Variants in U2SURP observed in about 807,000 individuals in gnomAD.
U2SURP encodes U2 snRNP-associated SURP motif-containing protein.
Under a neutral mutation model 144.9 loss-of-function variants are expected in U2SURP, and 9 were observed. The observed-to-expected ratio is 0.06, with a 90% CI of 0.04 to 0.11. The LOEUF is 0.11. U2SURP is among the 10% of genes least tolerant of loss of function. The probability of loss-of-function intolerance (pLI) is 1.00; values close to 1 mark genes in which losing one functional copy is unlikely to be tolerated. For synonymous variants in U2SURP, 408 were observed against 396.8 expected (o/e 1.03, Z -0.33); for missense variants, 724 against 1,226.7 (o/e 0.59, Z 6.12).
intron 1 of U2SURP, among the ~76,000 whole-genome samples, chr3:143,009,523 G>A (rs1229875491): frequency 3.3e-5 from 5 of 151,972 alleles, no homozygotes; most frequent in Non-Finnish European, 7.4e-5. Flanking sequence ...ACTGGAACCC[G>A]GGAGGCGGAG....
At chr3:143,054,542 A>G (rs750229172) in intron 26 of U2SURP, among the ~76,000 whole-genome samples, 2 of 152,222 alleles carry the variant, frequency 1.3e-5, no homozygotes, top group Non-Finnish European at 2.9e-5. Flanking sequence ...CCCAAATGTT[A>G]AAGTATTTCT....
chr3:143,045,612 C>T (rs1055120146), intron 24 of U2SURP, among the ~76,000 whole-genome samples: 7 of 152,168 alleles, frequency 4.6e-5, no homozygotes, highest in Non-Finnish European at 7.3e-5. Flanking sequence ...ACCTTGTATA[C>T]GTATATATGC....
At chr3:143,051,602 C>CAA (rs3041537) in intron 25 of U2SURP, among the ~76,000 whole-genome samples, 46,679 of 89,936 alleles carry the variant, frequency 0.52, 12,100 homozygotes, top group East Asian at 0.64. Flanking sequence ...ACTGTCGTTG[C>CAA]AAAAAAAAAA....
At chr3:143,054,641 C>G (rs369528466) in intron 26 of U2SURP, among the ~76,000 whole-genome samples, 7 of 152,162 alleles carry the variant, frequency 4.6e-5, no homozygotes, top group African/African-American at 1.7e-4. Flanking sequence ...TAACCACATT[C>G]AACATTTTAA....
chr3:143,010,294 G>A (rs1578113443), intron 1 of U2SURP, among the ~76,000 whole-genome samples: 1 of 152,194 alleles, frequency 6.6e-6, no homozygotes, highest in African/African-American at 2.4e-5. Flanking sequence ...CCCTTAAAAC[G>A]AGTTGTAAAT....
In U2SURP at chr3:143,015,047, G is replaced by A. The variant is rs76672310; in HGVS notation, c.321+638G>A. The stretch of plus-strand genomic sequence containing the variant: ...GCATAAATGTAGTTTTTCTATATTT[G>A]TCATTGTCAAATTGCTCTCTGTAGG... On this transcript the variant is annotated intron_variant, in intron 4 of 27. Coordinates refer to ENST00000473835, the MANE Select transcript of U2SURP (RefSeq NM_001080415.2). Among the ~76,000 whole-genome samples the A allele has an allele frequency of 3.0e-4, 45 of 152,102 alleles. No individual in the cohort carries two copies. In the East Asian group the frequency reaches 6.2e-3, roughly 21 times the overall value.
intron 1 of U2SURP, among the ~76,000 whole-genome samples, chr3:143,003,677 C>CTTTTTTTTTTTATTTTTTTTTTTTTTT (rs1935658627): frequency 9.9e-6 from 1 of 101,506 alleles, no homozygotes; most frequent in African/African-American, 3.5e-5. Context: ...TATTTTATTT[C>CTTTTTTTTTTTATTTTTTTTTTTTTTT]TTTTTTTTTT....
chr3:143,056,659 T>G lies in U2SURP; in HGVS notation c.*209T>G. The G allele has an allele frequency of 2.0e-6, 1 of 505,220 alleles. No homozygotes were observed. The highest frequency in any genetic ancestry group is 3.4e-6 in the Non-Finnish European group (1 of 293,536). The allele number at this position is 505,220 out of a possible 1,614,324, so 31.3% of individuals were successfully genotyped here. A position where few individuals can be genotyped will look rare whatever the true frequency, so the allele number is the denominator to read the frequency against. The stretch of plus-strand genomic sequence containing the variant: ...GTAAATTACTTTCATTGTGGCTATT[T>G]CTCAAGATGAAATTTTTATTGTTCT... On this transcript the variant is annotated 3_prime_UTR_variant, in exon 28 of 28. Coordinates refer to ENST00000473835, the MANE Select transcript of U2SURP (RefSeq NM_001080415.2).
chr3:143,050,074 GT>G (rs575590488), intron 24 of U2SURP, among the ~76,000 whole-genome samples: 31 of 146,916 alleles, frequency 2.1e-4, no homozygotes, highest in Middle Eastern at 3.5e-3. Context: ...TTCTGGTCTG[GT>G]TTTTTTTTTT....
intron 23 of U2SURP, among the ~76,000 whole-genome samples, chr3:143,040,358 A>T (rs1419370085): frequency 1.3e-5 from 2 of 151,898 alleles, no homozygotes; most frequent in Admixed American, 6.6e-5. Context: ...ATTTCAGGTA[A>T]ATCATGATAA....
intron 1 of U2SURP, among the ~76,000 whole-genome samples, chr3:143,005,130 T>C: frequency 6.6e-6 from 1 of 151,782 alleles, no homozygotes; most frequent in East Asian, 1.9e-4. Flanking sequence ...TATTTCACTC[T>C]GTGACTATGG....
intron 4 of U2SURP, among the ~76,000 whole-genome samples, chr3:143,015,227 GT>G (rs1936307162): frequency 6.6e-6 from 1 of 151,996 alleles, no homozygotes; most frequent in Non-Finnish European, 1.5e-5. Flanking sequence ...AAGTTTAACA[GT>G]TTTTCTTGTG....
intron 1 of U2SURP, among the ~76,000 whole-genome samples, chr3:143,007,378 C>T (rs963977111): frequency 1.6e-4 from 24 of 151,818 alleles, no homozygotes; most frequent in African/African-American, 5.1e-4. Flanking sequence ...CCACCTCAGC[C>T]TCCCTAGTAG....
intron 13 of U2SURP, chr3:143,024,499 T>C (rs1933012669): frequency 2.2e-6 from 1 of 445,872 alleles, no homozygotes; most frequent in South Asian, 1.6e-5. Context: ...ATTCCTATTA[T>C]TGTCATGAAC....
Position 143,012,261 on chromosome 3 carries a change from C to T in U2SURP, c.130C>T (p.Arg44Trp), listed in dbSNP as rs200575639. ...ACCCTCAGATAGTGATATGCCAAGT[C>T]GGACACGACCTAAGAGCCCAAGAAA... is the stretch of plus-strand genomic sequence containing the variant. Reference protein sequence around the residue: ...SGPSDSDMPSRTRPKSPRKHN... With the variant: ...SGPSDSDMPSWTRPKSPRKHN... The change falls in exon 3 of 28, where the codon CGG becomes TGG. Residue 44 changes from arginine (R) to tryptophan (W), a missense_variant. Arg to Trp is a moderately radical substitution (Grantham distance 101). Coordinates refer to ENST00000473835, the MANE Select transcript of U2SURP (RefSeq NM_001080415.2). 1.5e-4 allele frequency: 234 copies of T among 1,612,936 alleles called. No homozygotes were observed. The highest frequency in any genetic ancestry group is 1.7e-4 in the Non-Finnish European group (203 of 1,179,416).
chr3:143,044,945 A>AT (rs887689586), intron 24 of U2SURP, among the ~76,000 whole-genome samples: 10 of 152,060 alleles, frequency 6.6e-5, no homozygotes, highest in African/African-American at 2.4e-4. Flanking sequence ...TAGTTGATTT[A>AT]TTTTTTCCTG....
chr3:143,052,116 GT>G (rs931852757), intron 25 of U2SURP, among the ~76,000 whole-genome samples: 2 of 152,218 alleles, frequency 1.3e-5, no homozygotes, highest in Non-Finnish European at 2.9e-5. Context: ...GCTGGGCGCA[GT>G]TGCTCACGCC....
Position 143,057,679 on chromosome 3 carries a change from G to C in U2SURP, c.*1229G>C, listed in dbSNP as rs1260033974. The C allele has an allele frequency of 2.0e-5, 3 of 150,758 alleles. No individual in the cohort carries two copies. Among genetic ancestry groups the C allele is most frequent in the African/African-American group, 7.3e-5 (3 of 41,116 alleles). The allele number at this position is 150,758 out of a possible 1,614,324, so 9.3% of individuals were successfully genotyped here. The stretch of plus-strand genomic sequence containing the variant: ...CTATTATTTGTGAATCTTGATTTCA[G>C]TTTTTTATGTAGGCACTTCATACAC... On this transcript the variant is annotated 3_prime_UTR_variant, in exon 28 of 28. Coordinates refer to ENST00000473835, the MANE Select transcript of U2SURP (RefSeq NM_001080415.2).
intron 24 of U2SURP, among the ~76,000 whole-genome samples, chr3:143,047,217 G>C (rs1317493306): frequency 1.1e-5 from 1 of 90,266 alleles, no homozygotes; most frequent in Non-Finnish European, 2.1e-5. Context: ...CCGGCCAGGC[G>C]GGGGGCTGAT....
Sources: gnomAD v4.1 joint callset for allele counts (sites outside exome capture counted in the v4.1 genomes callset) on GRCh38, gnomAD v4.1.1 for gene constraint, MANE v1.5 for transcripts, NCBI Gene and HGNC (gene_info 2026-07-23, HGNC 2026-07-21) for gene names.